Variants in SLC8A1 observed in about 807,000 individuals in gnomAD.
SLC8A1 encodes the protein solute carrier family 8 member A1, also known as sodium/calcium exchanger 1.
A neutral mutation model predicts 68.3 loss-of-function variants in SLC8A1; 18 were observed. The ratio of observed to expected loss-of-function variants is 0.26; its 90% CI spans 0.18 to 0.39. The LOEUF (loss-of-function observed/expected upper bound fraction) is 0.39, where lower values mean the gene tolerates loss of function less well. Ranked by LOEUF, SLC8A1 falls within the 10% of genes least tolerant of loss-of-function variation. SLC8A1 has a pLI of 1.00. For synonymous variants in SLC8A1, 475 were observed against 415.5 expected (o/e 1.14, Z -1.74); for missense variants, 985 against 1,156.7 (o/e 0.85, Z 2.15).
intron 2 of SLC8A1, among the ~76,000 whole-genome samples, chr2:40,320,568 A>C (rs969414922): frequency 6.6e-6 from 1 of 152,204 alleles, no homozygotes; most frequent in African/African-American, 2.4e-5. Flanking sequence ...AATAACAAGG[A>C]AATAGCTTTC....
At chr2:40,444,594 T>C (rs184009491) in intron 1 of SLC8A1, among the ~76,000 whole-genome samples, 2 of 152,278 alleles carry the variant, frequency 1.3e-5, no homozygotes, top group East Asian at 3.9e-4. Flanking sequence ...GTGTCAAGAG[T>C]TGGCAAACTA....
chr2:40,367,074 GGGA>G (rs1393615204), intron 2 of SLC8A1, among the ~76,000 whole-genome samples: 2 of 151,974 alleles, frequency 1.3e-5, no homozygotes, highest in African/African-American at 4.8e-5. Flanking sequence ...TGATTTCATA[GGGA>G]TTTTTCATAA....
At chr2:40,386,319 A>G (rs1683524060) in intron 2 of SLC8A1, among the ~76,000 whole-genome samples, 1 of 149,288 alleles carries the variant, frequency 6.7e-6, no homozygotes, top group Admixed American at 6.7e-5. Flanking sequence ...TTCAAATGGT[A>G]AATGTGTGTG....
intron 2 of SLC8A1, among the ~76,000 whole-genome samples, chr2:40,371,738 G>A (rs1678163033): frequency 6.6e-6 from 1 of 152,110 alleles, no homozygotes; most frequent in Non-Finnish European, 1.5e-5. Flanking sequence ...GATGGGATGT[G>A]CAAAATTGTC....
chr2:40,239,889 T>C lies in SLC8A1; in HGVS notation c.1809-62034A>G, dbSNP rs559371201. Among the ~76,000 whole-genome samples, 6 of 152,356 alleles carry C rather than the reference T, an allele frequency of 3.9e-5. No individual in the cohort carries two copies. In the East Asian group the frequency reaches 9.6e-4, roughly 24 times the overall value. Reference sequence around the variant, plus strand: ...GTTGATTGCATGTAGATTACTTCTTTTACCCATGGAAACCGAACGAATATC... The same window carrying C: ...GTTGATTGCATGTAGATTACTTCTTCTACCCATGGAAACCGAACGAATATC... On this transcript the variant is annotated intron_variant, in intron 2 of 7. Transcript: ENST00000406785.
At chr2:40,369,128 G>A (rs1471247862) in intron 2 of SLC8A1, among the ~76,000 whole-genome samples, 1 of 152,012 alleles carries the variant, frequency 6.6e-6, no homozygotes, top group Non-Finnish European at 1.5e-5. Flanking sequence ...ACAGGCTGGG[G>A]CAAAGATATA....
At chr2:40,215,299 G>A (rs1279723005) in intron 2 of SLC8A1, among the ~76,000 whole-genome samples, 6 of 152,016 alleles carry the variant, frequency 3.9e-5, no homozygotes, top group East Asian at 3.9e-4. Context: ...CCTAGTAGCC[G>A]GGTCTAAAGG....
At chr2:40,164,721 T>A (rs1266753134) in intron 5 of SLC8A1, 133 bp downstream of exon 8, 2 of 1,249,326 alleles carry the variant, frequency 1.6e-6, no homozygotes, top group Admixed American at 4.4e-5. Flanking sequence ...CCAAAGGCTC[T>A]CAATTCACAA....
intron 2 of SLC8A1, among the ~76,000 whole-genome samples, chr2:40,222,890 A>G (rs992260739): frequency 6.6e-6 from 1 of 152,224 alleles, no homozygotes; most frequent in Non-Finnish European, 1.5e-5. Context: ...GAGGATGTGA[A>G]GAAATAGGAA....
intron 1 of SLC8A1, among the ~76,000 whole-genome samples, chr2:40,481,229 T>A (rs926070992): frequency 1.3e-5 from 2 of 152,198 alleles, no homozygotes; most frequent in Non-Finnish European, 2.9e-5. Flanking sequence ...ATAAAAAAGG[T>A]GATTAATTAG....
intron 2 of SLC8A1, among the ~76,000 whole-genome samples, chr2:40,408,537 A>T (rs1691089559): frequency 6.6e-6 from 1 of 152,178 alleles, no homozygotes; most frequent in South Asian, 2.1e-4. Context: ...ACATAATTCA[A>T]CTGCTTGAAT....
chr2:40,396,573 C>T (rs1160850470), intron 2 of SLC8A1, among the ~76,000 whole-genome samples: 1 of 151,670 alleles, frequency 6.6e-6, no homozygotes, highest in Non-Finnish European at 1.5e-5. Flanking sequence ...CAATTATGTA[C>T]ATAACCTGGA....
intron 1 of SLC8A1, among the ~76,000 whole-genome samples, chr2:40,450,723 T>C (rs1227550231): frequency 6.6e-6 from 1 of 152,192 alleles, no homozygotes; most frequent in Non-Finnish European, 1.5e-5. Context: ...CAACCACTAG[T>C]AGCTGACTAG....
At chr2:40,244,035 CA>C in intron 2 of SLC8A1, among the ~76,000 whole-genome samples, 1 of 99,554 alleles carries the variant, frequency 1.0e-5, no homozygotes, top group South Asian at 2.8e-4. Context: ...CTCCCATCAG[CA>C]GCCCTTTTGT....
At chr2:40,178,424 A>G in intron 2 of SLC8A1, 4 of 1,613,992 alleles carry the variant, frequency 2.5e-6, no homozygotes, top group Non-Finnish European at 3.4e-6. Context: ...GGGGCTCTCC[A>G]ATCTCAAGGA....
At chr2:40,283,182 C>A (rs1371073825) in intron 2 of SLC8A1, among the ~76,000 whole-genome samples, 1 of 152,124 alleles carries the variant, frequency 6.6e-6, no homozygotes, top group Non-Finnish European at 1.5e-5. Context: ...AAATGTTTTC[C>A]TTTTTGTTCT....
intron 2 of SLC8A1, among the ~76,000 whole-genome samples, chr2:40,242,268 A>C (rs898081114): frequency 1.3e-5 from 2 of 152,212 alleles, no homozygotes; most frequent in African/African-American, 4.8e-5. Flanking sequence ...GTTTAAGTAA[A>C]GCCTGTTTAG....
At chr2:40,349,542 G>T (rs539723859) in intron 2 of SLC8A1, among the ~76,000 whole-genome samples, 2 of 152,258 alleles carry the variant, frequency 1.3e-5, no homozygotes, top group African/African-American at 2.4e-5. Flanking sequence ...CTGCACCTCA[G>T]CTGTTTTCTC....
intron 1 of SLC8A1, among the ~76,000 whole-genome samples, chr2:40,506,659 A>G (rs1706390528): frequency 6.6e-6 from 1 of 150,638 alleles, no homozygotes; most frequent in Non-Finnish European, 1.5e-5. Flanking sequence ...ATGGGACCTG[A>G]AGGAATTCAA....
Sources: allele counts gnomAD v4.1 joint callset (sites outside exome capture counted in the v4.1 genomes callset), GRCh38; gene constraint gnomAD v4.1.1; transcripts MANE v1.5; gene names NCBI Gene and HGNC (gene_info 2026-07-23, HGNC 2026-07-21).